The following GLIS3 variants were observed in gnomAD, a reference collection of about 807,000 sequenced individuals.
The protein encoded by GLIS3 is GLIS family zinc finger 3.
GLIS3 carries 53 observed loss-of-function variants against 78.6 expected under a neutral mutation model. The observed-to-expected ratio is 0.67, with a 90% CI of 0.54 to 0.85. The LOEUF (loss-of-function observed/expected upper bound fraction) is 0.85. GLIS3 is among the 40% of genes least tolerant of loss of function. The pLI is 0.00. For synonymous variants in GLIS3, 684 were observed against 509.9 expected (o/e 1.34, Z -4.60); for missense variants, 1,703 against 1,231.1 (o/e 1.38, Z -5.74).
chr9:4,117,063 C>A (rs1352676344), intron 4 of GLIS3, among the ~76,000 whole-genome samples: 3 of 152,122 alleles, frequency 2.0e-5, no homozygotes, highest in Admixed American at 6.5e-5. Context: ...AAGGCAGAGG[C>A]GAGGAAGAAA....
At chr9:3,975,101 A>G (rs1818667672) in intron 4 of GLIS3, 1 of 152,142 alleles carries the variant, frequency 6.6e-6, no homozygotes. Flanking sequence ...ACATTAAACA[A>G]TATAATCTTA....
intron 4 of GLIS3, among the ~76,000 whole-genome samples, chr9:4,104,144 A>C (rs989761574): frequency 9.9e-5 from 15 of 152,090 alleles, no homozygotes; most frequent in Non-Finnish European, 1.9e-4. Context: ...CAAAAATGGC[A>C]TCAGTCTAGA....
At chr9:4,435,256 C>A in the GLIS3 span, among the ~76,000 whole-genome samples, 2 of 152,176 alleles carry the variant, frequency 1.3e-5, no homozygotes, top group Non-Finnish European at 2.9e-5. Flanking sequence ...ATATCTGTTT[C>A]ATACTCAGAA....
At chr9:4,122,214 T>A (rs982688402) in intron 3 of GLIS3, among the ~76,000 whole-genome samples, 2 of 152,214 alleles carry the variant, frequency 1.3e-5, no homozygotes, top group African/African-American at 4.8e-5. Flanking sequence ...TGCTTCAATG[T>A]CAAGCTCAAA....
intron 2 of GLIS3, among the ~76,000 whole-genome samples, chr9:4,345,503 T>C (rs537781705): frequency 1.7e-4 from 26 of 152,330 alleles, no homozygotes; most frequent in African/African-American, 6.0e-4. Flanking sequence ...CAATAAGTAT[T>C]TTTAAATGTA....
chr9:4,297,180 G>C (rs1816607616), intron 1 of GLIS3, among the ~76,000 whole-genome samples: 1 of 152,120 alleles, frequency 6.6e-6, no homozygotes, highest in African/African-American at 2.4e-5. Context: ...GACAGAGGGT[G>C]AAACAGAAGT....
intron 7 of GLIS3, among the ~76,000 whole-genome samples, chr9:3,897,074 G>A (rs986097009): frequency 1.3e-5 from 2 of 151,924 alleles, no homozygotes; most frequent in African/African-American, 2.4e-5. Context: ...TGACAGTTTC[G>A]AAAATGAGCC....
In GLIS3 at chr9:4,125,858, C is replaced by A. The variant is rs138251243; in HGVS notation, c.472G>T (p.Val158Phe). 5.1e-5 allele frequency: 82 copies of A among 1,613,708 alleles called. No individual in the cohort carries two copies. The African/African-American group carries it at 1.0e-3, about 21-fold the overall frequency. ...NLVVTSSPMM[V>F]QRLGLISPPA... ...GGTGAAATGAGTCCCAGTCGCTGAA[C>A]CATCATGGGACTGCTGGTGACCACT... The change falls in exon 3 of 11, where the codon GTT (valine) becomes TTT (phenylalanine). Residue 158 changes from valine (V) to phenylalanine (F), a missense_variant. Physicochemically the swap from Val to Phe is conservative, Grantham distance 50. Coordinates refer to ENST00000381971, the MANE Select transcript of GLIS3 (RefSeq NM_001042413.2).
chr9:3,837,405 A>G (rs547235010), intron 9 of GLIS3, among the ~76,000 whole-genome samples: 15 of 152,340 alleles, frequency 9.8e-5, no homozygotes, highest in African/African-American at 3.1e-4. Flanking sequence ...GGATTCAGCA[A>G]TTGTGTCCTC....
intron 2 of GLIS3, among the ~76,000 whole-genome samples, chr9:4,193,582 A>T (rs957913617): frequency 1.3e-5 from 2 of 152,242 alleles, no homozygotes; most frequent in Non-Finnish European, 1.5e-5. Flanking sequence ...TGCAAAGGGC[A>T]GGGCAGTTTC....
At chr9:4,437,214 T>G in the GLIS3 span, among the ~76,000 whole-genome samples, 1 of 152,174 alleles carries the variant, frequency 6.6e-6, no homozygotes, top group African/African-American at 2.4e-5. Flanking sequence ...GAATTTGAGA[T>G]CTTTAAATAC....
intron 4 of GLIS3, among the ~76,000 whole-genome samples, chr9:4,099,423 G>A (rs190745742): frequency 6.6e-6 from 1 of 151,562 alleles, no homozygotes; most frequent in African/African-American, 2.4e-5. Context: ...TTGCCCCCCC[G>A]AGCCTCTGTC....
chr9:3,989,501 C>G (rs1173683602), intron 4 of GLIS3, among the ~76,000 whole-genome samples: 1 of 152,166 alleles, frequency 6.6e-6, no homozygotes, highest in Admixed American at 6.5e-5. Flanking sequence ...TGTCTCTCAC[C>G]AGGCAGATGT....
chr9:4,081,656 G>C (rs1013237748), intron 4 of GLIS3, among the ~76,000 whole-genome samples: 8 of 152,182 alleles, frequency 5.3e-5, no homozygotes, highest in Non-Finnish European at 7.4e-5. Flanking sequence ...GACTGTAATA[G>C]CAACCAGCCT....
intron 4 of GLIS3, among the ~76,000 whole-genome samples, chr9:4,014,277 A>T (rs1455560629): frequency 6.6e-6 from 1 of 152,132 alleles, no homozygotes; most frequent in Admixed American, 6.6e-5. Context: ...GAAAACTGAG[A>T]AGTGGCCTTA....
intron 4 of GLIS3, chr9:4,054,241 G>A (rs1212132885): frequency 1.4e-6 from 1 of 702,960 alleles, no homozygotes. Context: ...TGAGGGCAGA[G>A]ATCTCATCCT....
At chr9:4,386,344 T>C in the GLIS3 span, 1 of 151,996 alleles carries the variant, frequency 6.6e-6, no homozygotes, top group South Asian at 2.1e-4. Context: ...GGAATATTTT[T>C]ATTTTTGTTT....
At chr9:4,023,313 G>A (rs1823039589) in intron 4 of GLIS3, among the ~76,000 whole-genome samples, 1 of 152,050 alleles carries the variant, frequency 6.6e-6, no homozygotes, top group Non-Finnish European at 1.5e-5. Flanking sequence ...CACAGCATTA[G>A]GCAGGGAAAG....
At chr9:4,475,075 A>C in the GLIS3 span, among the ~76,000 whole-genome samples, 2 of 143,276 alleles carry the variant, frequency 1.4e-5, no homozygotes, top group African/African-American at 5.3e-5. Flanking sequence ...CTCACTGCAA[A>C]CTCTGCCTCC....
Sources: allele counts gnomAD v4.1 joint callset (sites outside exome capture counted in the v4.1 genomes callset), GRCh38; gene constraint gnomAD v4.1.1; transcripts MANE v1.5; gene names NCBI Gene and HGNC (gene_info 2026-07-23, HGNC 2026-07-21).